The following SLFN5 variants were observed in gnomAD, a reference collection of about 807,000 sequenced individuals.
The protein encoded by SLFN5 is schlafen family member 5.
A neutral mutation model predicts 48.5 loss-of-function variants in SLFN5; 34 were observed. The observed-to-expected ratio is 0.70, with a 90% CI of 0.53 to 0.93. The LOEUF is 0.93. SLFN5 is among the 40% of genes least tolerant of loss of function. SLFN5 has a pLI of 0.00. For synonymous variants in SLFN5, 387 were observed against 396.2 expected (o/e 0.98, Z 0.28); for missense variants, 1,006 against 1,071.3 (o/e 0.94, Z 0.85).
In SLFN5 at chr17:35,264,910, T is replaced by C; in HGVS notation, c.1859+7T>C. 6.5e-7 allele frequency: 1 copy of C among 1,547,684 alleles called. No homozygotes were observed. The highest frequency in any genetic ancestry group is 8.7e-7 in the Non-Finnish European group (1 of 1,154,674). On this transcript the variant is annotated splice_region_variant and intron_variant, in intron 4 of 4. Transcript: ENST00000299977. The stretch of plus-strand genomic sequence containing the variant: ...CCCTGAAGAAGTTGGTGAGGTATGC[T>C]GCTTGTCTGTGTTCACTTTATTTTC...
intron 1 of SLFN5, among the ~76,000 whole-genome samples, chr17:35,251,000 C>A (rs1350082986): frequency 6.6e-6 from 1 of 152,142 alleles, no homozygotes; most frequent in African/African-American, 2.4e-5. Context: ...CAATAGGTGC[C>A]AAAGTTTTCT....
At position 35,254,804 on chromosome 17, in the gene SLFN5, G is replaced by T. The variant is rs536069152; in HGVS notation, c.-40-3847G>T. On this transcript the variant is annotated intron_variant, in intron 1 of 4. Transcript: ENST00000299977. The stretch of plus-strand genomic sequence containing the variant: ...GGCTGAAGCGGGTGGATCACCTGAG[G>T]TCAGGAGTTCGAGACCAGCCTGGCT... Among the ~76,000 whole-genome samples the T allele has an allele frequency of 8.5e-5, 13 of 152,290 alleles. No individual in the cohort carries two copies. The South Asian group carries it at 2.5e-3, about 29-fold the overall frequency.
chr17:35,269,383 A>G lies in SLFN5; in HGVS notation c.*3495A>G, dbSNP rs1904778053. Reference sequence around the variant, plus strand: ...TATATAATTAAGATATATAGGAATTATAATTACAGAAAAGAATGTTACAAA... The same window carrying G: ...TATATAATTAAGATATATAGGAATTGTAATTACAGAAAAGAATGTTACAAA... On this transcript the variant is annotated 3_prime_UTR_variant, in exon 5 of 5. Coordinates refer to ENST00000299977, the MANE Select transcript of SLFN5 (RefSeq NM_144975.4). 1 of 152,250 alleles carries G rather than the reference A, an allele frequency of 6.6e-6. No individual in the cohort carries two copies. The highest frequency in any genetic ancestry group is 2.1e-4 in the South Asian group (1 of 4,832). The allele number at this position is 152,250 out of a possible 1,614,324, so 9.4% of individuals were successfully genotyped here. A position where few individuals can be genotyped will look rare whatever the true frequency, so the allele number is the denominator to read the frequency against.
intron 2 of SLFN5, 24 bp downstream of exon 2, chr17:35,259,726 G>T (rs182559055): frequency 9.4e-6 from 15 of 1,593,264 alleles, no homozygotes; most frequent in Admixed American, 3.3e-5. Context: ...ATCCACAATG[G>T]TTGTAATGTT....
chr17:35,262,865 C>A lies in SLFN5; in HGVS notation c.1139-1318C>A, dbSNP rs542656533. Among the ~76,000 whole-genome samples, 10 of 151,956 alleles carry A rather than the reference C, an allele frequency of 6.6e-5. No individual in the cohort carries two copies. The South Asian group carries it at 1.5e-3, about 22-fold the overall frequency. On this transcript the variant is annotated intron_variant, in intron 3 of 4. Transcript: ENST00000299977. Reference sequence around the variant, plus strand: ...GGTGACAGAGCAAGACCCCGTCCCCCCCAAAAAAAAGTCTCCATGCTGTCC... The same window carrying A: ...GGTGACAGAGCAAGACCCCGTCCCCACCAAAAAAAAGTCTCCATGCTGTCC...
chr17:35,257,076 C>G (rs536674188), intron 1 of SLFN5, among the ~76,000 whole-genome samples: 19 of 152,270 alleles, frequency 1.2e-4, no homozygotes, highest in African/African-American at 4.1e-4. Context: ...ACAGTGCCAT[C>G]CTGAAACCAT....
chr17:35,264,254 A>C lies in SLFN5; in HGVS notation c.1210A>C (p.Arg404=), dbSNP rs1904607275. Reference sequence around the variant, plus strand: ...ACTCTTCTCACAACATAAAGGACTCAGAGACTTAATAAATACAGAAATGCG... The same window carrying C: ...ACTCTTCTCACAACATAAAGGACTCCGAGACTTAATAAATACAGAAATGCG... ...KELFSQHKGL[R]DLINTEMRPF... The change falls in exon 4 of 5, where the codon AGA becomes CGA. Residue 404 remains arginine (R), a synonymous_variant. Coordinates refer to ENST00000299977, the MANE Select transcript of SLFN5 (RefSeq NM_144975.4). The C allele has an allele frequency of 6.2e-7, 1 of 1,614,054 alleles. No homozygotes were observed. Among genetic ancestry groups the C allele is most frequent in the Non-Finnish European group, 8.5e-7 (1 of 1,180,050 alleles).
chr17:35,259,733 T>A (rs984315350), intron 2 of SLFN5, 31 bp downstream of exon 2: 1 of 1,591,946 alleles, frequency 6.3e-7, no homozygotes, highest in South Asian at 1.1e-5. Flanking sequence ...ATGGTTGTAA[T>A]GTTTGCTGGC....
intron 3 of SLFN5, among the ~76,000 whole-genome samples, chr17:35,263,128 T>G (rs1904569289): frequency 6.6e-6 from 1 of 152,002 alleles, no homozygotes; most frequent in Non-Finnish European, 1.5e-5. Flanking sequence ...GACCTTGCTT[T>G]TTATTTATTT....
In SLFN5 at chr17:35,266,010, G is replaced by A; in HGVS notation, c.*122G>A. ...AAGTCACATACTTTTCTAGGTGCTG[G>A]GGATTGAGAACGAATCGATGTAAGA... On this transcript the variant is annotated 3_prime_UTR_variant, in exon 5 of 5. Transcript: ENST00000299977. The A allele has an allele frequency of 2.8e-6, 3 of 1,070,324 alleles. No individual in the cohort carries two copies. The highest frequency in any genetic ancestry group is 3.9e-6 in the Non-Finnish European group (3 of 764,904). The allele number at this position is 1,070,324 out of a possible 1,614,324, so 66.3% of individuals were successfully genotyped here. A position where few individuals can be genotyped will look rare whatever the true frequency, so the allele number is the denominator to read the frequency against.
rs1904819688 is a variant in SLFN5 at position 35,271,111 on chromosome 17, G to T, written c.*5223G>T. 1 of 152,162 alleles carries T rather than the reference G, an allele frequency of 6.6e-6. No individual in the cohort carries two copies. The highest frequency in any genetic ancestry group is 6.6e-5 in the Admixed American group (1 of 15,266). The allele number at this position is 152,162 out of a possible 1,614,324, so 9.4% of individuals were successfully genotyped here. A position where few individuals can be genotyped will look rare whatever the true frequency, so the allele number is the denominator to read the frequency against. On this transcript the variant is annotated 3_prime_UTR_variant, in exon 5 of 5. Coordinates refer to ENST00000299977, the MANE Select transcript of SLFN5 (RefSeq NM_144975.4). ...CTGTGGAAAAACAACATCAAACCTA[G>T]ACTTCTCTCCCCAAACTATCATTCA...
chr17:35,255,012 G>T (rs778876154), intron 1 of SLFN5, among the ~76,000 whole-genome samples: 8 of 152,018 alleles, frequency 5.3e-5, no homozygotes, highest in Non-Finnish European at 1.2e-4. Flanking sequence ...GCGAGGCTCT[G>T]TCTCAAAAAA....
chr17:35,262,182 C>T (rs908129649), intron 3 of SLFN5, among the ~76,000 whole-genome samples: 6 of 151,776 alleles, frequency 4.0e-5, no homozygotes, highest in Admixed American at 3.9e-4. Context: ...AGATCGAGAC[C>T]ATCCTGGCTA....
chr17:35,255,430 T>G (rs2092451973), intron 1 of SLFN5, among the ~76,000 whole-genome samples: 1 of 152,236 alleles, frequency 6.6e-6, no homozygotes, highest in Admixed American at 6.5e-5. Context: ...TTTTAGAAAA[T>G]GACTACCATG....
intron 1 of SLFN5, among the ~76,000 whole-genome samples, chr17:35,245,650 G>A (rs529136921): frequency 6.6e-6 from 1 of 152,230 alleles, no homozygotes; most frequent in East Asian, 1.9e-4. Context: ...CTATGTCATT[G>A]TGGGTACCAA....
At chr17:35,251,096 C>T (rs2092441258) in intron 1 of SLFN5, among the ~76,000 whole-genome samples, 1 of 152,176 alleles carries the variant, frequency 6.6e-6, no homozygotes, top group Admixed American at 6.5e-5. Flanking sequence ...CCTCCTGGAA[C>T]CTGAAATCAG....
Position 35,264,562 on chromosome 17 carries a change from T to A in SLFN5, c.1518T>A (p.Val506=). The A allele has an allele frequency of 6.2e-7, 1 of 1,614,200 alleles. No individual in the cohort carries two copies. The highest frequency in any genetic ancestry group is 8.5e-7 in the Non-Finnish European group (1 of 1,180,038). Residue 506 remains valine (V), a synonymous_variant, in exon 4 of 5, where the codon GTT becomes GTA. Transcript: ENST00000299977. The part of the protein sequence containing the change: ...VLNSDRKAQS[V]YSSYLQIYPE... ...ATTCTGATAGAAAAGCACAGAGCGT[T>A]TACAGTTCGTATTTACAAATTTACC...
intron 1 of SLFN5, among the ~76,000 whole-genome samples, chr17:35,250,301 A>G (rs2092439346): frequency 1.3e-5 from 2 of 152,228 alleles, no homozygotes; most frequent in Non-Finnish European, 2.9e-5. Context: ...GGACAATGGT[A>G]TAACTGGACA....
At chr17:35,264,042 T>A (rs1904599382) in intron 3 of SLFN5, 141 bp from the exon 4 acceptor site, 1 of 1,054,124 alleles carries the variant, frequency 9.5e-7, no homozygotes, top group Non-Finnish European at 1.3e-6. Context: ...AAATAAGAAT[T>A]GTTTATCTTT....
Sources: gnomAD v4.1 joint callset for allele counts (sites outside exome capture counted in the v4.1 genomes callset) on GRCh38, gnomAD v4.1.1 for gene constraint, MANE v1.5 for transcripts, NCBI Gene and HGNC (gene_info 2026-07-23, HGNC 2026-07-21) for gene names.